Variants in KLHL1 observed in about 807,000 individuals in gnomAD.
KLHL1 encodes kelch-like protein 1.
KLHL1 carries 47 observed loss-of-function variants against 77.7 expected under a neutral mutation model. The observed-to-expected ratio is 0.60, with a 90% CI of 0.48 to 0.77. The LOEUF is 0.77. KLHL1 is among the 30% of genes least tolerant of loss of function. The pLI is 0.00. For missense variants in KLHL1, 925 were observed against 910.8 expected (o/e 1.02, Z -0.20); for synonymous variants, 360 against 325.2 (o/e 1.11, Z -1.15).
At chr13:69,754,401 T>G (rs1043183680) in intron 7 of KLHL1, among the ~76,000 whole-genome samples, 9 of 152,190 alleles carry the variant, frequency 5.9e-5, no homozygotes, top group African/African-American at 1.9e-4. Context: ...GACATATCCT[T>G]TTTGTATATA....
At chr13:70,047,145 A>C (rs1001289151) in intron 1 of KLHL1, among the ~76,000 whole-genome samples, 1 of 152,114 alleles carries the variant, frequency 6.6e-6, no homozygotes, top group Non-Finnish European at 1.5e-5. Context: ...GAACAGGCTT[A>C]GGGTCTAAAA....
At chr13:69,946,035 T>TA (rs1490855638) in intron 3 of KLHL1, among the ~76,000 whole-genome samples, 2 of 152,122 alleles carry the variant, frequency 1.3e-5, no homozygotes, top group Non-Finnish European at 2.9e-5. Flanking sequence ...CATGGTTACT[T>TA]ATGTTGAGTG....
chr13:69,790,325 A>C (rs1876811473), intron 7 of KLHL1, among the ~76,000 whole-genome samples: 1 of 152,236 alleles, frequency 6.6e-6, no homozygotes, highest in Non-Finnish European at 1.5e-5. Flanking sequence ...TGAAATCTAC[A>C]GAACAGTGAG....
intron 8 of KLHL1, among the ~76,000 whole-genome samples, chr13:69,732,656 CTT>C (rs34871954): frequency 1.5e-4 from 22 of 145,720 alleles, no homozygotes; most frequent in South Asian, 2.2e-4. Context: ...TGTTTGTTTG[CTT>C]TTTTTTTTTT....
intron 6 of KLHL1, among the ~76,000 whole-genome samples, chr13:69,799,354 C>T (rs1005977216): frequency 2.0e-5 from 3 of 152,190 alleles, no homozygotes; most frequent in East Asian, 3.9e-4. Context: ...TTAAGACTTC[C>T]GAGCAAGCAA....
intron 5 of KLHL1, among the ~76,000 whole-genome samples, chr13:69,872,840 T>C (rs1026472423): frequency 6.6e-6 from 1 of 152,070 alleles, no homozygotes; most frequent in Admixed American, 6.5e-5. Context: ...CTCATTACCA[T>C]AGGGACAGCA....
rs113394726 is a variant in KLHL1 at position 69,950,903 on chromosome 13, T to A, written c.817+10405A>T. Among the ~76,000 whole-genome samples, 1,005 of 151,758 alleles carry A rather than the reference T, an allele frequency of 6.6e-3. 12 individuals are homozygous for A. The highest frequency in any genetic ancestry group is 0.023 in the African/African-American group (973 of 41,518). On this transcript the variant is annotated intron_variant, in intron 3 of 10. Coordinates refer to ENST00000377844, the MANE Select transcript of KLHL1 (RefSeq NM_020866.3). The stretch of plus-strand genomic sequence containing the variant: ...CAGAAGCAACAGTTCTATAATTCGT[T>A]GTTATATCCACTTTTGGCTAAATAC...
chr13:69,789,958 A>C (rs1209860718), intron 7 of KLHL1, among the ~76,000 whole-genome samples: 1 of 152,110 alleles, frequency 6.6e-6, no homozygotes, highest in African/African-American at 2.4e-5. Flanking sequence ...CAGCTGAAGC[A>C]TCCAGCGTCT....
chr13:69,742,962 C>T (rs906858186), intron 7 of KLHL1, among the ~76,000 whole-genome samples: 3 of 152,022 alleles, frequency 2.0e-5, no homozygotes, highest in Admixed American at 2.0e-4. Flanking sequence ...TCACATGTAT[C>T]AACAATAATT....
chr13:69,760,575 G>T (rs553445531), intron 7 of KLHL1, among the ~76,000 whole-genome samples: 1 of 151,802 alleles, frequency 6.6e-6, no homozygotes, highest in Non-Finnish European at 1.5e-5. Context: ...GGCTGGTCTC[G>T]ATCTCCTGAC....
intron 1 of KLHL1, among the ~76,000 whole-genome samples, chr13:70,062,805 GT>G (rs1886922829): frequency 6.6e-6 from 1 of 151,602 alleles, no homozygotes; most frequent in African/African-American, 2.4e-5. Flanking sequence ...ATTCATGTTC[GT>G]TTAACAAAAT....
chr13:69,822,197 CAAAA>C (rs35346749), intron 6 of KLHL1, among the ~76,000 whole-genome samples: 1 of 78,384 alleles, frequency 1.3e-5, no homozygotes. Context: ...GACTCCATCT[CAAAA>C]AAAAAAAAAA....
intron 7 of KLHL1, among the ~76,000 whole-genome samples, chr13:69,785,512 G>GT: frequency 6.6e-6 from 1 of 152,016 alleles, no homozygotes; most frequent in Non-Finnish European, 1.5e-5. Flanking sequence ...AGCAGTGTGT[G>GT]GGTAGAGGGA....
chr13:70,034,788 A>C (rs1886198534), intron 1 of KLHL1, among the ~76,000 whole-genome samples: 2 of 152,100 alleles, frequency 1.3e-5, no homozygotes, highest in African/African-American at 2.4e-5. Context: ...CAGCTATGTA[A>C]AGTTTAGAAT....
intron 7 of KLHL1, among the ~76,000 whole-genome samples, chr13:69,785,119 C>A (rs186781727): frequency 0.011 from 1,743 of 151,846 alleles, 34 homozygotes; most frequent in African/African-American, 0.039. Flanking sequence ...GTCTCGATCT[C>A]CTGACCTCGT....
chr13:69,911,639 C>G (rs938810315), intron 4 of KLHL1, among the ~76,000 whole-genome samples: 2 of 151,538 alleles, frequency 1.3e-5, no homozygotes, highest in Non-Finnish European at 2.9e-5. Context: ...TCTACCATTT[C>G]CTAGTCCTGA....
intron 1 of KLHL1, among the ~76,000 whole-genome samples, chr13:70,046,012 T>C (rs1415476586): frequency 6.6e-6 from 1 of 152,200 alleles, no homozygotes. Context: ...TTTTTTGTAA[T>C]TTATTTATCT....
At chr13:70,057,927 A>G (rs1017935670) in intron 1 of KLHL1, among the ~76,000 whole-genome samples, 1 of 152,200 alleles carries the variant, frequency 6.6e-6, no homozygotes, top group Non-Finnish European at 1.5e-5. Flanking sequence ...ATTCACTATG[A>G]CCAAGTAATA....
Position 69,878,739 on chromosome 13 carries a change from G to A in KLHL1, c.1227+3544C>T, listed in dbSNP as rs144731935. Reference sequence around the variant, plus strand: ...AGAGAGAGAGAGAGAGAGAGAGTGAGAGAGAGAAAGATTGAATACCCAAAG... The same window carrying A: ...AGAGAGAGAGAGAGAGAGAGAGTGAAAGAGAGAAAGATTGAATACCCAAAG... On this transcript the variant is annotated intron_variant, in intron 5 of 10. Transcript: ENST00000377844. 6.8e-4 allele frequency among the ~76,000 whole-genome samples: 103 copies of A among 151,998 alleles called. 2 individuals are homozygous for A. The highest frequency in any genetic ancestry group is 2.4e-3 in the African/African-American group (99 of 41,450).
Sources: gnomAD v4.1 joint callset for allele counts (sites outside exome capture counted in the v4.1 genomes callset) on GRCh38, gnomAD v4.1.1 for gene constraint, MANE v1.5 for transcripts, NCBI Gene and HGNC (gene_info 2026-07-23, HGNC 2026-07-21) for gene names.